The following LTBP1 variants were observed in gnomAD, a reference collection of about 807,000 sequenced individuals.
LTBP1 encodes the protein latent transforming growth factor beta binding protein 1, also known as latent-transforming growth factor beta-binding protein 1.
LTBP1 carries 129 observed loss-of-function variants against 207.6 expected under a neutral mutation model. That is an observed-to-expected ratio of 0.62 (90% CI 0.54 to 0.72). The LOEUF is 0.72. Among genes scored for constraint, LTBP1 ranks in the 30% least tolerant of loss-of-function variants. The pLI is 0.00. For missense variants in LTBP1, 2,281 were observed against 2,217.2 expected (o/e 1.03, Z -0.58); for synonymous variants, 963 against 833.7 (o/e 1.16, Z -2.67).
At position 33,398,762 on chromosome 2, in the gene LTBP1, G is replaced by A. The variant is rs967495054; in HGVS notation, c.*217G>A. On this transcript the variant is annotated 3_prime_UTR_variant, in exon 34 of 34. Transcript: ENST00000404816. ...TTTCTCTAAAAAACCAGTATATATA[G>A]TCTGTTCATATGTAAAATTCAATGG... 1.5e-5 allele frequency: 6 copies of A among 390,628 alleles called. No individual in the cohort carries two copies. Among genetic ancestry groups the A allele is most frequent in the African/African-American group, 6.2e-5 (3 of 48,608 alleles). The allele number at this position is 390,628 out of a possible 1,614,324, so 24.2% of individuals were successfully genotyped here.
At chr2:32,965,931 A>G (rs1679936702) in intron 2 of LTBP1, among the ~76,000 whole-genome samples, 4 of 152,186 alleles carry the variant, frequency 2.6e-5, no homozygotes, top group Admixed American at 1.3e-4. Flanking sequence ...TGGTTATACT[A>G]TTTTGCAGTC....
chr2:32,966,799 G>A (rs967320574), intron 2 of LTBP1, among the ~76,000 whole-genome samples: 6 of 152,038 alleles, frequency 3.9e-5, no homozygotes, highest in African/African-American at 1.2e-4. Flanking sequence ...GAGGATTTTT[G>A]TATCTGTGTT....
At chr2:33,200,739 C>T (rs1340745582) in intron 7 of LTBP1, among the ~76,000 whole-genome samples, 1 of 151,896 alleles carries the variant, frequency 6.6e-6, no homozygotes, top group East Asian at 1.9e-4. Flanking sequence ...TGACAAAGGG[C>T]TAATATCCAG....
chr2:33,317,962 A>G (rs2094296511), intron 24 of LTBP1: 1 of 152,196 alleles, frequency 6.6e-6, no homozygotes, highest in Admixed American at 6.5e-5. Context: ...TCTTACATGT[A>G]TAGATTGAGT....
At position 33,307,046 on chromosome 2, in the gene LTBP1, C is replaced by T. The variant is rs369724570; in HGVS notation, c.3482-2388C>T. Among the ~76,000 whole-genome samples the T allele has an allele frequency of 8.8e-4, 134 of 152,190 alleles. No individual in the cohort carries two copies. In the Middle Eastern group the frequency reaches 0.017, roughly 19 times the overall value. On this transcript the variant is annotated intron_variant, in intron 22 of 33. Coordinates refer to ENST00000404816, the MANE Select transcript of LTBP1 (RefSeq NM_206943.4). ...GAGGTTGCAGTGAGCCGAGATACAC[C>T]GCTGCACTCCAGCCTGGCAACAGAG...
At chr2:33,090,112 ATAT>A (rs2078991897) in intron 3 of LTBP1, among the ~76,000 whole-genome samples, 1 of 152,250 alleles carries the variant, frequency 6.6e-6, no homozygotes, top group Non-Finnish European at 1.5e-5. Context: ...CTCTGGAAGA[ATAT>A]TATTAATTTC....
At chr2:33,074,535 G>A (rs1432549961) in intron 3 of LTBP1, among the ~76,000 whole-genome samples, 1 of 152,060 alleles carries the variant, frequency 6.6e-6, no homozygotes, top group African/African-American at 2.4e-5. Context: ...TCAAGAGTTC[G>A]AGACCAGCCT....
intron 5 of LTBP1, among the ~76,000 whole-genome samples, chr2:33,158,943 G>T (rs1024586816): frequency 6.6e-6 from 1 of 152,178 alleles, no homozygotes; most frequent in Non-Finnish European, 1.5e-5. Context: ...TCTCAGTCCA[G>T]CACAGTATAA....
intron 3 of LTBP1, among the ~76,000 whole-genome samples, chr2:33,081,086 A>C (rs1380194056): frequency 1.3e-5 from 2 of 151,572 alleles, no homozygotes; most frequent in Non-Finnish European, 2.9e-5. Flanking sequence ...ATGATTGGAC[A>C]AAGGGGGTAT....
At chr2:33,092,813 C>T (rs1350010446) in intron 3 of LTBP1, among the ~76,000 whole-genome samples, 4 of 152,186 alleles carry the variant, frequency 2.6e-5, no homozygotes, top group Non-Finnish European at 4.4e-5. Flanking sequence ...ATTTCCATGA[C>T]CCTAAATTCT....
At chr2:33,115,171 G>A (rs1443122265) in intron 4 of LTBP1, among the ~76,000 whole-genome samples, 2 of 150,984 alleles carry the variant, frequency 1.3e-5, no homozygotes, top group Non-Finnish European at 2.9e-5. Context: ...GCCATAAAAA[G>A]GAATAAGATT....
chr2:33,361,412 GTC>G lies in LTBP1; in HGVS notation c.4184-13_4184-12del. On this transcript the variant is annotated splice_polypyrimidine_tract_variant and intron_variant, in intron 27 of 33. Coordinates refer to ENST00000404816, the MANE Select transcript of LTBP1 (RefSeq NM_206943.4). ...GATGTTGAATCTTTTTTTTTTTTTT[GTC>G]TCTTCTAAAATCAGCTGAGTTCACT... 1.4e-5 allele frequency: 10 copies of G among 689,870 alleles called. No homozygotes were observed. The highest frequency in any genetic ancestry group is 1.8e-5 in the Non-Finnish European group (9 of 504,748). The allele number at this position is 689,870 out of a possible 1,614,324, so 42.7% of individuals were successfully genotyped here.
chr2:33,332,580 G>T (rs1318881669), intron 24 of LTBP1, among the ~76,000 whole-genome samples: 1 of 149,016 alleles, frequency 6.7e-6, no homozygotes, highest in Non-Finnish European at 1.5e-5. Context: ...TTTTTTATAT[G>T]GAGTCTTGCT....
chr2:33,229,879 C>A (rs2091688744), intron 9 of LTBP1, among the ~76,000 whole-genome samples: 1 of 152,194 alleles, frequency 6.6e-6, no homozygotes, highest in Non-Finnish European at 1.5e-5. Flanking sequence ...TGAAGTAACA[C>A]ACAAAATTCT....
intron 31 of LTBP1, among the ~76,000 whole-genome samples, chr2:33,367,258 A>T (rs2095001360): frequency 6.6e-6 from 1 of 152,212 alleles, no homozygotes; most frequent in African/African-American, 2.4e-5. Flanking sequence ...AACAATGTCC[A>T]CGGGTTATTT....
intron 11 of LTBP1, among the ~76,000 whole-genome samples, chr2:33,255,855 T>C (rs1436534259): frequency 6.6e-6 from 1 of 152,204 alleles, no homozygotes; most frequent in African/African-American, 2.4e-5. Context: ...AAATGACTTA[T>C]TTTATATTCA....
intron 26 of LTBP1, among the ~76,000 whole-genome samples, chr2:33,352,713 TC>T: frequency 6.6e-6 from 1 of 152,298 alleles, no homozygotes; most frequent in Non-Finnish European, 1.5e-5. Context: ...AACATAGATA[TC>T]GGTTTAAATC....
chr2:33,297,794 C>T (rs777276615), intron 20 of LTBP1, among the ~76,000 whole-genome samples: 4 of 152,186 alleles, frequency 2.6e-5, no homozygotes, highest in African/African-American at 7.2e-5. Context: ...TTGGATTTCA[C>T]AAGTTTTTCC....
chr2:33,107,342 T>TA (rs1373484258), intron 3 of LTBP1, among the ~76,000 whole-genome samples: 1 of 152,214 alleles, frequency 6.6e-6, no homozygotes, highest in Non-Finnish European at 1.5e-5. Context: ...TTCACCCTGT[T>TA]ACAACAGTCA....
Sources: allele counts gnomAD v4.1 joint callset (sites outside exome capture counted in the v4.1 genomes callset), GRCh38; gene constraint gnomAD v4.1.1; transcripts MANE v1.5; gene names NCBI Gene and HGNC (gene_info 2026-07-23, HGNC 2026-07-21).